The following FLVCR2 variants were observed in gnomAD, a reference collection of about 807,000 sequenced individuals.
FLVCR2 encodes the protein choline/ethanolamine transporter FLVCR2.
In FLVCR2, 38 loss-of-function variants were observed where a neutral mutation model predicts 48.9. The ratio of observed to expected loss-of-function variants is 0.78; its 90% confidence interval spans 0.60 to 1.02. FLVCR2 has a LOEUF of 1.02. FLVCR2 is among the 50% of genes least tolerant of loss of function. The probability of loss-of-function intolerance (pLI) is 0.00; values close to 1 mark genes in which losing one functional copy is unlikely to be tolerated. For synonymous variants in FLVCR2, 255 were observed against 257.0 expected, an observed-to-expected ratio of 0.99 and a Z score of 0.07; for missense variants, 664 against 663.3, an observed-to-expected ratio of 1.00 and a Z score of -0.01.
rs565541150 is a variant in FLVCR2, at chr14:75,629,375, C to G, written c.953-4254C>G. 2.0e-5 allele frequency among the ~76,000 whole-genome samples: 3 copies of G among 152,200 alleles called. No homozygotes were observed. In the East Asian group the frequency reaches 5.8e-4, roughly 29 times the overall value. On this transcript the variant is annotated intron_variant, in intron 3 of 9. Transcript: ENST00000238667. ...GAGAGGTGCAGGGGTGGAGCTCGTGCTTGATGTTGCGGAAATATCATATCA... is the reference window on the plus strand; with the variant it reads ...GAGAGGTGCAGGGGTGGAGCTCGTGGTTGATGTTGCGGAAATATCATATCA...
intron 2 of FLVCR2, among the ~76,000 whole-genome samples, chr14:75,623,426 T>G (rs2140038693): frequency 6.6e-6 from 1 of 152,320 alleles, no homozygotes; most frequent in East Asian, 1.9e-4. Flanking sequence ...GTTTTTATTT[T>G]CAGTTAGTCA....
intron 2 of FLVCR2, among the ~76,000 whole-genome samples, chr14:75,624,212 A>C (rs1889835943): frequency 6.6e-6 from 1 of 151,676 alleles, no homozygotes; most frequent in Admixed American, 6.6e-5. Context: ...AAATACAAAA[A>C]ATTAGCCAGG....
At chr14:75,645,456 AG>A (rs1372176017) in intron 9 of FLVCR2, among the ~76,000 whole-genome samples, 1 of 152,210 alleles carries the variant, frequency 6.6e-6, no homozygotes, top group Non-Finnish European at 1.5e-5. Context: ...GGGGCCCCAC[AG>A]GATAATTTCC....
intron 1 of FLVCR2, among the ~76,000 whole-genome samples, chr14:75,616,235 G>C (rs1889614024): frequency 6.6e-6 from 1 of 151,442 alleles, no homozygotes; most frequent in Admixed American, 6.6e-5. Flanking sequence ...GCTGAGGCAG[G>C]AGAATTGCTT....
Position 75,579,512 on chromosome 14 carries a change from C to T in FLVCR2, c.540C>T (p.Thr180=), listed in dbSNP as rs757430000. The T allele has an allele frequency of 1.4e-5, 22 of 1,612,878 alleles. No homozygotes were observed. The highest frequency in any genetic ancestry group is 2.7e-5 in the African/African-American group (2 of 74,900). ...GSLKPHLFPV[T]VVGQLICSVA... Reference sequence around the variant, plus strand: ...TGAAGCCGCATCTCTTTCCGGTCACCGTGGTGGGCCAGCTCATCTGCTCTG... The same window carrying T: ...TGAAGCCGCATCTCTTTCCGGTCACTGTGGTGGGCCAGCTCATCTGCTCTG... Residue 180 remains threonine (T), a synonymous_variant, in exon 1 of 10, where the codon ACC becomes ACT. Coordinates refer to ENST00000238667, the MANE Select transcript of FLVCR2 (RefSeq NM_017791.3).
chr14:75,644,236 T>C (rs551657152), intron 9 of FLVCR2, among the ~76,000 whole-genome samples: 2 of 152,316 alleles, frequency 1.3e-5, no homozygotes, highest in South Asian at 4.1e-4. Flanking sequence ...TAATCCTGCT[T>C]CCCAGAGATA....
At chr14:75,588,467 A>G (rs1423937266) in intron 1 of FLVCR2, among the ~76,000 whole-genome samples, 2 of 152,154 alleles carry the variant, frequency 1.3e-5, no homozygotes, top group African/African-American at 2.4e-5. Flanking sequence ...TTTCCAACAC[A>G]TGAACTTTTG....
chr14:75,586,161 C>G (rs1243198979), intron 1 of FLVCR2, among the ~76,000 whole-genome samples: 1 of 152,136 alleles, frequency 6.6e-6, no homozygotes, highest in Non-Finnish European at 1.5e-5. Context: ...CAGGCTGAAT[C>G]CGAAAAAGGA....
intron 3 of FLVCR2, among the ~76,000 whole-genome samples, chr14:75,629,951 T>A (rs553077269): frequency 6.6e-6 from 1 of 152,210 alleles, no homozygotes. Context: ...GGGGGCTTCA[T>A]GCCCCCTCTA....
Position 75,642,898 on chromosome 14 carries a change from G to A in FLVCR2, c.1509+1000G>A, listed in dbSNP as rs142094029. ...TTTTTATGAGACACAGTCTTGCTCC[G>A]TCACCTAGGCTGGAATGCAGTGGTA... On this transcript the variant is annotated intron_variant, in intron 9 of 9. Transcript: ENST00000238667. 8.1e-4 allele frequency among the ~76,000 whole-genome samples: 124 copies of A among 152,150 alleles called. 2 individuals are homozygous for A. In the East Asian group the frequency reaches 0.02, roughly 24 times the overall value.
chr14:75,631,678 G>A (rs1890041641), intron 3 of FLVCR2: 1 of 442,608 alleles, frequency 2.3e-6, no homozygotes, highest in Non-Finnish European at 4.5e-6. Flanking sequence ...GCAGGCAAGA[G>A]GCTTAGAGAG....
chr14:75,635,496 C>A (rs1255069141), intron 5 of FLVCR2, among the ~76,000 whole-genome samples: 1 of 152,140 alleles, frequency 6.6e-6, no homozygotes, highest in African/African-American at 2.4e-5. Flanking sequence ...ATTATTTATA[C>A]CTTGTTGGTA....
chr14:75,642,239 GT>G (rs1937021294), intron 9 of FLVCR2, among the ~76,000 whole-genome samples: 1 of 152,188 alleles, frequency 6.6e-6, no homozygotes, highest in African/African-American at 2.4e-5. Flanking sequence ...TGGCTCCACT[GT>G]TTTCAGCCTG....
chr14:75,597,542 A>G (rs1422865816), intron 1 of FLVCR2, among the ~76,000 whole-genome samples: 1 of 151,696 alleles, frequency 6.6e-6, no homozygotes, highest in East Asian at 1.9e-4. Context: ...TCTTAACCAA[A>G]CTGTCTAGGA....
At chr14:75,640,166 G>C (rs1200290698) in intron 6 of FLVCR2, among the ~76,000 whole-genome samples, 1 of 151,330 alleles carries the variant, frequency 6.6e-6, no homozygotes, top group African/African-American at 2.4e-5. Context: ...GGCTGAGGCA[G>C]GAGAATCGCT....
chr14:75,646,736 G>A lies in FLVCR2; in HGVS notation c.*264G>A. The A allele has an allele frequency of 2.1e-6, 1 of 484,636 alleles. No homozygotes were observed. The allele number at this position is 484,636 out of a possible 1,614,324, so 30.0% of individuals were successfully genotyped here. ...TTATGGGAGTTGGTGTTGGGACAGG[G>A]TGGCAGAGAATATTGGAGTCAATCC... is the stretch of plus-strand genomic sequence containing the variant. On this transcript the variant is annotated 3_prime_UTR_variant, in exon 10 of 10. Transcript: ENST00000238667.
rs766061843 is a variant in FLVCR2, at chr14:75,641,864, G to A, written c.1475G>A (p.Arg492Gln). ...TTAGCATTCATTAAGGCAGATCTCCGGAGACAGAAAGCAAACAAAGAAACT... is the reference window on the plus strand; with the variant it reads ...TTAGCATTCATTAAGGCAGATCTCCAGAGACAGAAAGCAAACAAAGAAACT... The part of the protein sequence containing the change: ...ALTAFIKADL[R>Q]RQKANKETLE... Residue 492 changes from arginine (R) to glutamine (Q), a missense_variant, in exon 9 of 10, where the codon CGG becomes CAG. Coordinates refer to ENST00000238667, the MANE Select transcript of FLVCR2 (RefSeq NM_017791.3). The A allele has an allele frequency of 3.3e-5, 54 of 1,613,946 alleles. 1 individual carries two copies. The Middle Eastern group carries it at 4.9e-4, about 15-fold the overall frequency.
chr14:75,636,412 A>C (rs544217115), intron 5 of FLVCR2, among the ~76,000 whole-genome samples: 2 of 152,312 alleles, frequency 1.3e-5, no homozygotes, highest in South Asian at 4.1e-4. Flanking sequence ...AGCCAGACAC[A>C]AGAGCAGTGA....
At position 75,622,075 on chromosome 14, in the gene FLVCR2, A is replaced by G. The variant is rs2140037499; in HGVS notation, c.670-4A>G. On this transcript the variant is annotated splice_region_variant and splice_polypyrimidine_tract_variant and intron_variant, in intron 1 of 9. Transcript: ENST00000238667. ...TGTGATTGGGTTGTCTCTGTCTTCT[A>G]TAGCTTGGAATTGCGATTGGGTTCT... The G allele has an allele frequency of 3.7e-6, 6 of 1,614,138 alleles. No homozygotes were observed. Among genetic ancestry groups the G allele is most frequent in the African/African-American group, 2.7e-5 (2 of 75,032 alleles).
Sources: gnomAD v4.1 joint callset for allele counts (sites outside exome capture counted in the v4.1 genomes callset) on GRCh38, gnomAD v4.1.1 for gene constraint, MANE v1.5 for transcripts, NCBI Gene and HGNC (gene_info 2026-07-23, HGNC 2026-07-21) for gene names.